The following CHD9 variants were observed in gnomAD, a reference collection of about 807,000 sequenced individuals.
CHD9 encodes the protein chromodomain helicase DNA binding protein 9, also known as ATP-dependent chromatin remodeler CHD9.
A neutral mutation model predicts 316.1 loss-of-function variants in CHD9; 77 were observed. The observed-to-expected ratio is 0.24, with a 90% confidence interval of 0.20 to 0.29. CHD9 has a LOEUF of 0.29. Among genes scored for constraint, CHD9 ranks in the 10% least tolerant of loss-of-function variants. CHD9 has a pLI of 1.00. For synonymous variants in CHD9, 1,129 were observed against 1,158.3 expected, an observed-to-expected ratio of 0.97 and a Z score of 0.51; for missense variants, 2,763 against 3,438.1, an observed-to-expected ratio of 0.80 and a Z score of 4.91.
Position 53,235,178 on chromosome 16 carries a change from C to T in CHD9, c.2512-7C>T, listed in dbSNP as rs2048517137. On this transcript the variant is annotated splice_polypyrimidine_tract_variant and splice_region_variant and intron_variant, in intron 10 of 38. Coordinates refer to ENST00000447540, the MANE Select transcript of CHD9 (RefSeq NM_001308319.2). ...AAACACCATTCATTCTTTGTTTTTCCACAAAGGACCGTCCTCCTTCTAATA... is the reference window on the plus strand; with the variant it reads ...AAACACCATTCATTCTTTGTTTTTCTACAAAGGACCGTCCTCCTTCTAATA... 1.3e-6 allele frequency: 2 copies of T among 1,548,950 alleles called. No individual in the cohort carries two copies. The highest frequency in any genetic ancestry group is 1.7e-6 in the Non-Finnish European group (2 of 1,146,262).
At position 53,238,593 on chromosome 16, in the gene CHD9, TATTG is replaced by T. The variant is rs1400585718; in HGVS notation, c.2877+11_2877+14del. The T allele has an allele frequency of 3.7e-6, 6 of 1,610,852 alleles. No homozygotes were observed. The Admixed American group carries it at 1.0e-4, about 27-fold the overall frequency. ...GTACTTCAGGGATTCACAGGTGTGT[TATTG>T]ATTATTTTGTTTGTTGTTTGAAAGG... On this transcript the variant is annotated splice_region_variant and intron_variant, in intron 12 of 38. Transcript: ENST00000447540.
chr16:53,279,087 C>T (rs1182914658), intron 24 of CHD9, among the ~76,000 whole-genome samples: 3 of 152,118 alleles, frequency 2.0e-5, no homozygotes, highest in East Asian at 3.8e-4. Flanking sequence ...CTATTCACAA[C>T]AGCAGAGACT....
At chr16:53,128,177 T>A (rs1395219278) in intron 1 of CHD9, among the ~76,000 whole-genome samples, 6 of 144,088 alleles carry the variant, frequency 4.2e-5, no homozygotes, top group Non-Finnish European at 1.5e-5. Context: ...TGAGTAGGAA[T>A]GGAGACATTT....
chr16:53,100,020 G>C (rs2036712733), intron 1 of CHD9, among the ~76,000 whole-genome samples: 1 of 152,190 alleles, frequency 6.6e-6, no homozygotes, highest in African/African-American at 2.4e-5. Context: ...CTCCCTCTCT[G>C]GGCTCCTCAG....
intron 24 of CHD9, among the ~76,000 whole-genome samples, chr16:53,280,880 A>G (rs1380614083): frequency 6.6e-6 from 1 of 152,132 alleles, no homozygotes; most frequent in Non-Finnish European, 1.5e-5. Context: ...AATGACCTAC[A>G]GTGTGATCAA....
intron 1 of CHD9, among the ~76,000 whole-genome samples, chr16:53,117,752 TG>T (rs1216231279): frequency 2.6e-5 from 4 of 151,850 alleles, no homozygotes; most frequent in Admixed American, 6.6e-5. Context: ...CCAAACTTTC[TG>T]GAAGGGGGAA....
intron 1 of CHD9, among the ~76,000 whole-genome samples, chr16:53,100,256 T>G (rs2036737265): frequency 1.3e-5 from 2 of 152,146 alleles, no homozygotes; most frequent in Admixed American, 1.3e-4. Context: ...CCCCTACTTA[T>G]TTTGTCTATG....
rs144500199 is a variant in CHD9 at position 53,209,455 on chromosome 16, C to T, written c.1453-27C>T. On this transcript the variant is annotated intron_variant, in intron 2 of 38. Transcript: ENST00000447540. ...TGTTTTAGATGTACTTTGGTATATT[C>T]TATAAAAAATATTTTTGTTTCTGTA... is the stretch of plus-strand genomic sequence containing the variant. 701 of 1,445,964 alleles carry T rather than the reference C, an allele frequency of 4.8e-4. 2 individuals carry two copies. The highest frequency in any genetic ancestry group is 4.1e-4 in the Non-Finnish European group (440 of 1,065,666). The allele number at this position is 1,445,964 out of a possible 1,614,324, so 89.6% of individuals were successfully genotyped here. A position where few individuals can be genotyped will look rare whatever the true frequency, so the allele number is the denominator to read the frequency against.
intron 1 of CHD9, among the ~76,000 whole-genome samples, chr16:53,063,215 C>G (rs2033113612): frequency 6.6e-6 from 1 of 151,948 alleles, no homozygotes; most frequent in Non-Finnish European, 1.5e-5. Context: ...CCCCATGTTA[C>G]TACTGAGCAA....
At chr16:53,120,260 T>TTA (rs1398155953) in intron 1 of CHD9, among the ~76,000 whole-genome samples, 4,328 of 151,750 alleles carry the variant, frequency 0.029, 265 homozygotes, top group East Asian at 0.23. Flanking sequence ...AAAATTTTTT[T>TTA]AAAAAATTGC....
intron 22 of CHD9, among the ~76,000 whole-genome samples, chr16:53,269,448 A>G (rs143405710): frequency 1.3e-5 from 2 of 152,306 alleles, no homozygotes; most frequent in East Asian, 1.9e-4. Flanking sequence ...GTAGACAGAC[A>G]TAGTAAGAAT....
chr16:53,196,567 C>G (rs746508625), intron 2 of CHD9, among the ~76,000 whole-genome samples: 2 of 152,158 alleles, frequency 1.3e-5, no homozygotes, highest in Non-Finnish European at 2.9e-5. Flanking sequence ...TAGAACACCT[C>G]ATTTTTAAAA....
chr16:53,294,184 A>C (rs2054590798), intron 29 of CHD9, among the ~76,000 whole-genome samples: 1 of 152,200 alleles, frequency 6.6e-6, no homozygotes, highest in Non-Finnish European at 1.5e-5. Flanking sequence ...TTAACTTCTT[A>C]AAAGGAATAG....
intron 2 of CHD9, among the ~76,000 whole-genome samples, chr16:53,195,290 A>G (rs1243711613): frequency 6.6e-6 from 1 of 152,206 alleles, no homozygotes; most frequent in Non-Finnish European, 1.5e-5. Context: ...TTAGTTTTGC[A>G]TGTTATTGAA....
chr16:53,144,013 C>G (rs1281611840), intron 1 of CHD9, among the ~76,000 whole-genome samples: 1 of 151,430 alleles, frequency 6.6e-6, no homozygotes, highest in Non-Finnish European at 1.5e-5. Flanking sequence ...TAGATGAGCT[C>G]CTGAAGTGGG....
At chr16:53,199,954 C>T (rs1039264499) in intron 2 of CHD9, among the ~76,000 whole-genome samples, 15 of 152,154 alleles carry the variant, frequency 9.9e-5, no homozygotes, top group African/African-American at 2.9e-4. Flanking sequence ...AAAGTAATAT[C>T]GGCTGGCACG....
intron 2 of CHD9, among the ~76,000 whole-genome samples, chr16:53,191,521 C>A (rs1461560356): frequency 6.6e-6 from 1 of 152,078 alleles, no homozygotes; most frequent in East Asian, 1.9e-4. Context: ...TAAACGTTAT[C>A]ATACAGTTTG....
At position 53,249,898 on chromosome 16, in the gene CHD9, A is replaced by C. The variant is rs1567559194; in HGVS notation, c.3693A>C (p.Arg1231Ser). Residue 1231 changes from arginine (R) to serine (S), a missense_variant, in exon 17 of 39, where the codon AGA becomes AGC. Arg to Ser is a moderately radical substitution (Grantham distance 110). Coordinates refer to ENST00000447540, the MANE Select transcript of CHD9 (RefSeq NM_001308319.2). The stretch of plus-strand genomic sequence containing the variant: ...ACTTATATGAGCGAATTGATGGCAG[A>C]GTCAGAGGAAATCTTCGGCAAGCTG... ...KRYLYERIDG[R>S]VRGNLRQAAI... The C allele has an allele frequency of 1.2e-6, 2 of 1,613,594 alleles. No individual in the cohort carries two copies. The highest frequency in any genetic ancestry group is 1.7e-6 in the Non-Finnish European group (2 of 1,179,562).
chr16:53,304,920 C>T (rs2153082886), intron 31 of CHD9, among the ~76,000 whole-genome samples: 2 of 151,726 alleles, frequency 1.3e-5, no homozygotes, highest in South Asian at 4.2e-4. Context: ...TCTCAAACTC[C>T]CGACCTCAGG....
Sources: gnomAD v4.1 joint callset for allele counts (sites outside exome capture counted in the v4.1 genomes callset) on GRCh38, gnomAD v4.1.1 for gene constraint, MANE v1.5 for transcripts, NCBI Gene and HGNC (gene_info 2026-07-23, HGNC 2026-07-21) for gene names.